The following CHODL variants were observed in gnomAD, a reference collection of about 807,000 sequenced individuals.
CHODL encodes transmembrane protein MT75.
A neutral mutation model predicts 34.5 loss-of-function variants in CHODL; 29 were observed. The observed-to-expected ratio is 0.84, with a 90% CI of 0.63 to 1.15. The LOEUF is 1.15. Among genes scored for constraint, CHODL ranks in the 50% most tolerant of loss-of-function variants. The probability of loss-of-function intolerance (pLI) is 0.00; values close to 1 mark genes in which losing one functional copy is unlikely to be tolerated. For missense variants in CHODL, 332 were observed against 332.5 expected (o/e 1.00, Z 0.01); for synonymous variants, 125 against 116.1 (o/e 1.08, Z -0.49).
intron 2 of CHODL, among the ~76,000 whole-genome samples, chr21:18,029,903 A>T (rs538349811): frequency 6.6e-6 from 1 of 152,250 alleles, no homozygotes; most frequent in East Asian, 1.9e-4. Context: ...TTGCAGCCAC[A>T]TCATCTCTGG....
At chr21:18,100,037 A>C (rs2065193405) in intron 2 of CHODL, 1 of 152,200 alleles carries the variant, frequency 6.6e-6, no homozygotes. Flanking sequence ...ATGACAAAGC[A>C]AAGAAGGAAA....
At chr21:18,203,236 G>C (rs1291214489) in intron 2 of CHODL, among the ~76,000 whole-genome samples, 1 of 152,152 alleles carries the variant, frequency 6.6e-6, no homozygotes, top group Non-Finnish European at 1.5e-5. Context: ...GACAAGCAAA[G>C]ATCTGTAGGA....
At chr21:18,193,924 A>T (rs183905091) in intron 2 of CHODL, among the ~76,000 whole-genome samples, 1 of 151,830 alleles carries the variant, frequency 6.6e-6, no homozygotes, top group Non-Finnish European at 1.5e-5. Context: ...AAATGACACC[A>T]TTATCCATCG....
At chr21:17,994,654 T>G (rs1200259414) in intron 1 of CHODL, among the ~76,000 whole-genome samples, 1 of 152,210 alleles carries the variant, frequency 6.6e-6, no homozygotes, top group Non-Finnish European at 1.5e-5. Context: ...GCTTGATTTC[T>G]AGGCTTCTGG....
chr21:18,177,823 G>C (rs753871145), intron 2 of CHODL, among the ~76,000 whole-genome samples: 3 of 152,048 alleles, frequency 2.0e-5, no homozygotes, highest in Non-Finnish European at 2.9e-5. Context: ...GGTTTAGAGT[G>C]GCACATCACT....
chr21:18,084,646 G>GA (rs2064981426), intron 2 of CHODL, among the ~76,000 whole-genome samples: 1 of 151,868 alleles, frequency 6.6e-6, no homozygotes, highest in Non-Finnish European at 1.5e-5. Flanking sequence ...ATACAATTTT[G>GA]ATTTTAAAAA....
intron 2 of CHODL, among the ~76,000 whole-genome samples, chr21:18,068,746 T>C (rs891102822): frequency 6.6e-6 from 1 of 152,172 alleles, no homozygotes; most frequent in African/African-American, 2.4e-5. Flanking sequence ...TTTTGCTTAA[T>C]TGGCTAGCTC....
At chr21:18,025,941 C>G (rs568485265) in intron 1 of CHODL, among the ~76,000 whole-genome samples, 2 of 152,204 alleles carry the variant, frequency 1.3e-5, no homozygotes, top group African/African-American at 4.8e-5. Context: ...CTTTAAATAC[C>G]TTATCTTCAA....
intron 1 of CHODL, among the ~76,000 whole-genome samples, chr21:17,923,018 A>C (rs2063194610): frequency 6.6e-6 from 1 of 152,198 alleles, no homozygotes; most frequent in Non-Finnish European, 1.5e-5. Context: ...GGGGACTTCC[A>C]GCTCATAGGT....
chr21:18,091,269 A>T (rs1296009436), intron 2 of CHODL, among the ~76,000 whole-genome samples: 2 of 152,230 alleles, frequency 1.3e-5, no homozygotes, highest in African/African-American at 4.8e-5. Context: ...CCTGAAAAGC[A>T]GTCGAGGACA....
chr21:18,221,091 C>G (rs1568942795), intron 2 of CHODL, among the ~76,000 whole-genome samples: 1 of 151,780 alleles, frequency 6.6e-6, no homozygotes, highest in Admixed American at 6.6e-5. Flanking sequence ...CTTTTTAATT[C>G]TTTTTTTTAG....
At chr21:18,223,452 T>TA (rs1188920147) in intron 2 of CHODL, among the ~76,000 whole-genome samples, 1 of 152,166 alleles carries the variant, frequency 6.6e-6, no homozygotes, top group Non-Finnish European at 1.5e-5. Context: ...ATTCGAGACT[T>TA]ACGATTTACC....
chr21:18,113,079 C>G (rs1230436770), intron 2 of CHODL, among the ~76,000 whole-genome samples: 1 of 151,916 alleles, frequency 6.6e-6, no homozygotes, highest in African/African-American at 2.4e-5. Flanking sequence ...GGAAAAAAAT[C>G]TAATAATCTG....
chr21:17,981,929 G>T lies in CHODL; in HGVS notation c.-144-45943G>T, dbSNP rs116221396. 6.1e-3 allele frequency among the ~76,000 whole-genome samples: 933 copies of T among 152,312 alleles called. 11 individuals carry two copies. Among genetic ancestry groups the T allele is most frequent in the African/African-American group, 0.021 (887 of 41,568 alleles). On this transcript the variant is annotated intron_variant, in intron 1 of 6. Transcript: ENST00000400127. ...AAGCCAAACTTTCAAAGATAGATGT[G>T]TTCAATTGGCATAGGCCCAAATATT... is the stretch of plus-strand genomic sequence containing the variant.
chr21:17,988,740 G>A (rs1307021857), intron 1 of CHODL, among the ~76,000 whole-genome samples: 1 of 150,892 alleles, frequency 6.6e-6, no homozygotes, highest in Non-Finnish European at 1.5e-5. Context: ...AACATTTTTT[G>A]TGGCTGCATA....
At chr21:17,931,485 C>T (rs2063273263) in intron 1 of CHODL, among the ~76,000 whole-genome samples, 1 of 152,132 alleles carries the variant, frequency 6.6e-6, no homozygotes, top group Non-Finnish European at 1.5e-5. Context: ...AACTCTGGCA[C>T]CATGAAGAAG....
intron 2 of CHODL, among the ~76,000 whole-genome samples, chr21:18,154,895 G>A (rs981903207): frequency 6.6e-6 from 1 of 152,148 alleles, no homozygotes; most frequent in African/African-American, 2.4e-5. Flanking sequence ...ATAAGATGAT[G>A]GAGATATGTA....
At chr21:18,139,311 C>G (rs1418185566) in intron 2 of CHODL, among the ~76,000 whole-genome samples, 1 of 151,898 alleles carries the variant, frequency 6.6e-6, no homozygotes, top group East Asian at 1.9e-4. Flanking sequence ...AGAGAAGGGC[C>G]ACTGGAGAAC....
intron 1 of CHODL, among the ~76,000 whole-genome samples, chr21:17,998,627 C>T (rs1236105416): frequency 6.6e-6 from 1 of 152,224 alleles, no homozygotes; most frequent in African/African-American, 2.4e-5. Context: ...TCCTTTACTT[C>T]TGTGCACCCA....
Sources: allele counts gnomAD v4.1 joint callset (sites outside exome capture counted in the v4.1 genomes callset), GRCh38; gene constraint gnomAD v4.1.1; transcripts MANE v1.5; gene names NCBI Gene and HGNC (gene_info 2026-07-23, HGNC 2026-07-21).